TMCO1: variants seen among roughly 807,000 people sequenced by gnomAD.
TMCO1 encodes transmembrane and coiled-coil domains 1.
A neutral mutation model predicts 29.3 loss-of-function variants in TMCO1; 29 were observed. The observed-to-expected ratio is 0.99, with a 90% confidence interval of 0.74 to 1.35. The LOEUF is 1.35. Among genes scored for constraint, TMCO1 ranks in the 40% most tolerant of loss-of-function variants. The pLI, the probability that TMCO1 is intolerant of heterozygous loss-of-function variation, is 0.00. For missense variants in TMCO1, 173 were observed against 225.5 expected (o/e 0.77, Z 1.49); for synonymous variants, 80 against 77.1 (o/e 1.04, Z -0.20).
chr1:165,743,154 T>C lies in TMCO1; in HGVS notation c.468+13A>G, dbSNP rs1297639781. The C allele has an allele frequency of 1.2e-6, 2 of 1,613,822 alleles. No homozygotes were observed. Among genetic ancestry groups the C allele is most frequent in the East Asian group, 2.2e-5 (1 of 44,868 alleles). ...AAAAATATACATATTAAATGGTAGATGTGATCACTCACCTGTCGAATCGAC... is the reference window on the plus strand; with the variant it reads ...AAAAATATACATATTAAATGGTAGACGTGATCACTCACCTGTCGAATCGAC... On this transcript the variant is annotated intron_variant, in intron 6 of 6. Transcript: ENST00000367881.
downstream of TMCO1, chr1:165,724,869 T>C (rs1038181718): frequency 2.2e-6 from 1 of 453,670 alleles, no homozygotes; most frequent in Non-Finnish European, 4.4e-6. Flanking sequence ...TAAGATTTGC[T>C]TCAAAATAAT....
At chr1:165,755,191 C>T (rs1019237055) in intron 3 of TMCO1, among the ~76,000 whole-genome samples, 1 of 152,070 alleles carries the variant, frequency 6.6e-6, no homozygotes, top group Non-Finnish European at 1.5e-5. Context: ...AAAAGGAATA[C>T]TCCAAAAATG....
Position 165,751,106 on chromosome 1 carries a change from C to G in TMCO1, c.323+996G>C, listed in dbSNP as rs61800454. 1.4e-4 allele frequency among the ~76,000 whole-genome samples: 21 copies of G among 152,180 alleles called. No homozygotes were observed. The East Asian group carries it at 3.9e-3, about 28-fold the overall frequency. ...CAAAAAGATAATAAATTACTATCAT[C>G]GTTGGATATTTTCTGTCAAACTCAG... On this transcript the variant is annotated intron_variant, in intron 5 of 6. Coordinates refer to ENST00000367881, the MANE Select transcript of TMCO1 (RefSeq NM_019026.6).
intron 6 of TMCO1, among the ~76,000 whole-genome samples, chr1:165,738,978 A>G (rs529121735): frequency 5.3e-4 from 80 of 152,318 alleles, no homozygotes; most frequent in African/African-American, 1.9e-3. Context: ...GGCACTCTCT[A>G]TGAACCAGGC....
intron 6 of TMCO1, among the ~76,000 whole-genome samples, chr1:165,737,093 C>T (rs989666126): frequency 2.0e-5 from 3 of 152,140 alleles, no homozygotes; most frequent in Non-Finnish European, 4.4e-5. Flanking sequence ...GCATGAGCCA[C>T]CACACCAGCC....
At chr1:165,743,870 T>A (rs1441022387) in intron 5 of TMCO1, among the ~76,000 whole-genome samples, 2 of 151,726 alleles carry the variant, frequency 1.3e-5, no homozygotes, top group African/African-American at 2.4e-5. Context: ...ATTCCTTTTT[T>A]TTTTTTTTGA....
chr1:165,746,520 A>G (rs1437998594), intron 5 of TMCO1, among the ~76,000 whole-genome samples: 2 of 150,962 alleles, frequency 1.3e-5, no homozygotes, highest in East Asian at 2.0e-4. Flanking sequence ...ATGAACTGCA[A>G]AAATAATCTG....
intron 6 of TMCO1, among the ~76,000 whole-genome samples, chr1:165,735,869 T>G (rs1381539513): frequency 6.6e-6 from 1 of 152,200 alleles, no homozygotes; most frequent in Non-Finnish European, 1.5e-5. Context: ...CAGTTAAGAC[T>G]AAAATAACTG....
In TMCO1 at chr1:165,768,667, A is replaced by G. The variant is rs766443934; in HGVS notation, c.70+15T>C. 18 of 1,613,974 alleles carry G rather than the reference A, an allele frequency of 1.1e-5. 1 individual carries two copies. Among genetic ancestry groups the G allele is most frequent in the Non-Finnish European group, 1.4e-5 (17 of 1,180,004 alleles). On this transcript the variant is annotated intron_variant, in intron 1 of 6. Transcript: ENST00000367881. ...CCGGGGACTGATCAAACGTCTGAGA[A>G]ATACCCGCTCTCACCCTCTGCGAGC...
chr1:165,731,211 A>G (rs1651150777), intron 6 of TMCO1, among the ~76,000 whole-genome samples: 1 of 152,126 alleles, frequency 6.6e-6, no homozygotes, highest in African/African-American at 2.4e-5. Flanking sequence ...CATTACTTTT[A>G]TAATAAAAAT....
intron 3 of TMCO1, among the ~76,000 whole-genome samples, chr1:165,758,312 T>C (rs1652270740): frequency 6.6e-6 from 1 of 152,080 alleles, no homozygotes; most frequent in South Asian, 2.1e-4. Flanking sequence ...AGCCCAGCAC[T>C]TGGAGAGGTT....
intron 4 of TMCO1, among the ~76,000 whole-genome samples, chr1:165,752,457 G>A (rs1047193119): frequency 1.3e-5 from 2 of 151,016 alleles, no homozygotes; most frequent in East Asian, 2.0e-4. Context: ...GAGTTTCACC[G>A]TGTTAGCCAG....
chr1:165,768,779 C>A lies in TMCO1; in HGVS notation c.-28G>T. ...CGCACCTTCGTCTCTGCACTCTCAC[C>A]CGCCAGGGGGAAAGCGCTCTACAGC... is the stretch of plus-strand genomic sequence containing the variant. On this transcript the variant is annotated 5_prime_UTR_variant, in exon 1 of 7. Coordinates refer to ENST00000367881, the MANE Select transcript of TMCO1 (RefSeq NM_019026.6). 1 of 1,613,998 alleles carries A rather than the reference C, an allele frequency of 6.2e-7. No homozygotes were observed. Among genetic ancestry groups the A allele is most frequent in the Non-Finnish European group, 8.5e-7 (1 of 1,179,970 alleles).
chr1:165,744,772 A>G (rs932975094), intron 5 of TMCO1, among the ~76,000 whole-genome samples: 3 of 143,680 alleles, frequency 2.1e-5, no homozygotes, highest in Admixed American at 7.1e-5. Flanking sequence ...CCTGGGCAAC[A>G]AGAGCAAAAC....
At chr1:165,752,354 C>T (rs1307528573) in intron 4 of TMCO1, among the ~76,000 whole-genome samples, 185 bp from the exon 5 acceptor site, 1 of 149,114 alleles carries the variant, frequency 6.7e-6, no homozygotes, top group Non-Finnish European at 1.5e-5. Context: ...CCCCCGGGTT[C>T]ACGCCATTCC....
At position 165,727,850 on chromosome 1, in the gene TMCO1, C is replaced by G. The variant is rs768167494; in HGVS notation, c.*173G>C. The G allele has an allele frequency of 3.1e-5, 17 of 554,764 alleles. No homozygotes were observed. Among genetic ancestry groups the G allele is most frequent in the South Asian group, 1.5e-4 (10 of 65,486 alleles). 34.4% of individuals were successfully genotyped at this position (554,764 alleles called of 1,614,324 possible). ...AATCATCTAGGACCAAAAGCACTAT[C>G]AAGTTTGCTGGCTGCCATTTTCACT... is the stretch of plus-strand genomic sequence containing the variant. On this transcript the variant is annotated 3_prime_UTR_variant, in exon 7 of 7. Transcript: ENST00000367881.
At chr1:165,725,016 CTCTCTCTCTATATATA>C (rs1200428261), downstream of TMCO1, 121 of 161,854 alleles carry the variant, frequency 7.5e-4, no homozygotes, top group African/African-American at 6.3e-3. Flanking sequence ...CTCTCTCTCT[CTCTCTCTCTATATATA>C]TATATATATA....
chr1:165,768,384 A>G, intron 1 of TMCO1, 115 bp from the exon 2 acceptor site: 1 of 1,485,310 alleles, frequency 6.7e-7, no homozygotes, highest in South Asian at 1.2e-5. Flanking sequence ...ATTTACCCAT[A>G]GTTAACTTTT....
chr1:165,765,312 CTT>C (rs1259790584), intron 2 of TMCO1, among the ~76,000 whole-genome samples: 1 of 152,150 alleles, frequency 6.6e-6, no homozygotes, highest in Non-Finnish European at 1.5e-5. Flanking sequence ...AGACAAGAGT[CTT>C]GCACTGTTGG....
Sources: gnomAD v4.1 joint callset for allele counts (sites outside exome capture counted in the v4.1 genomes callset) on GRCh38, gnomAD v4.1.1 for gene constraint, MANE v1.5 for transcripts, NCBI Gene and HGNC (gene_info 2026-07-23, HGNC 2026-07-21) for gene names.